SPATA17: variants seen among roughly 807,000 people sequenced by gnomAD.
SPATA17 encodes the protein spermatogenesis-associated protein 17.
Under a neutral mutation model 62.2 loss-of-function variants are expected in SPATA17, and 53 were observed. That is an observed-to-expected ratio of 0.85 (90% CI 0.68 to 1.07). SPATA17 has a LOEUF of 1.07. Among genes scored for constraint, SPATA17 ranks in the 50% least tolerant of loss-of-function variants. The pLI, the probability that SPATA17 is intolerant of heterozygous loss-of-function variation, is 0.00. For missense variants in SPATA17, 466 were observed against 425.5 expected (o/e 1.10, Z -0.84); for synonymous variants, 146 against 146.8 (o/e 0.99, Z 0.04).
intron 5 of SPATA17, among the ~76,000 whole-genome samples, chr1:217,735,525 C>G (rs931430505): frequency 6.6e-6 from 1 of 152,138 alleles, no homozygotes; most frequent in African/African-American, 2.4e-5. Context: ...GAATATTCAG[C>G]CTATAGCAGG....
At position 217,713,203 on chromosome 1, in the gene SPATA17, G is replaced by A. The variant is rs369697933; in HGVS notation, c.396-28772G>A. ...ATAATTAGCATAGATAATAATTCAG[G>A]TTAAGGTTAAGTTTTATTCCAGTGT... On this transcript the variant is annotated intron_variant, in intron 5 of 10. Coordinates refer to ENST00000366933, the MANE Select transcript of SPATA17 (RefSeq NM_138796.4). Among the ~76,000 whole-genome samples the A allele has an allele frequency of 7.9e-5, 12 of 152,154 alleles. No individual in the cohort carries two copies. The South Asian group carries it at 8.3e-4, about 11-fold the overall frequency.
chr1:217,649,058 C>T (rs1670250969), intron 2 of SPATA17, 87 bp downstream of exon 2: 1 of 877,074 alleles, frequency 1.1e-6, no homozygotes, highest in African/African-American at 1.7e-5. Context: ...GTACTCATTT[C>T]AAATAATTTT....
intron 9 of SPATA17, among the ~76,000 whole-genome samples, chr1:217,831,603 A>G (rs1177659974): frequency 6.6e-6 from 1 of 152,074 alleles, no homozygotes; most frequent in Non-Finnish European, 1.5e-5. Flanking sequence ...CCAAAAATAT[A>G]TTTTCTTATG....
chr1:217,736,971 GCTT>G (rs1286357492), intron 5 of SPATA17, among the ~76,000 whole-genome samples: 3 of 152,124 alleles, frequency 2.0e-5, no homozygotes, highest in Non-Finnish European at 4.4e-5. Context: ...AAACAGAGCA[GCTT>G]CTTCCATTTG....
intron 5 of SPATA17, among the ~76,000 whole-genome samples, chr1:217,721,160 C>G (rs1042547504): frequency 9.9e-5 from 15 of 152,180 alleles, no homozygotes; most frequent in Non-Finnish European, 1.8e-4. Context: ...CCTGCTGGCA[C>G]TGGCATGGGA....
rs530170554 is a variant in SPATA17, at chr1:217,645,169, C to G, written c.69-3713C>G. Reference sequence around the variant, plus strand: ...ACTAGTTAATTTTTAGTGCCTCCTTCCTTTTAATTGCAATGTATAATTCTT... The same window carrying G: ...ACTAGTTAATTTTTAGTGCCTCCTTGCTTTTAATTGCAATGTATAATTCTT... On this transcript the variant is annotated intron_variant, in intron 1 of 10. Coordinates refer to ENST00000366933, the MANE Select transcript of SPATA17 (RefSeq NM_138796.4). Among the ~76,000 whole-genome samples, 38 of 152,110 alleles carry G rather than the reference C, an allele frequency of 2.5e-4. 1 individual carries two copies. The highest frequency in any genetic ancestry group is 2.7e-4 in the Non-Finnish European group (18 of 67,920).
chr1:217,761,678 C>A (rs535933046), intron 6 of SPATA17, among the ~76,000 whole-genome samples: 3 of 151,828 alleles, frequency 2.0e-5, no homozygotes, highest in African/African-American at 7.2e-5. Flanking sequence ...AGCAGCAAGC[C>A]TAGAGAAATT....
intron 9 of SPATA17, among the ~76,000 whole-genome samples, chr1:217,843,184 T>C (rs1675448912): frequency 6.6e-6 from 1 of 152,166 alleles, no homozygotes; most frequent in Non-Finnish European, 1.5e-5. Flanking sequence ...AATACAGTTC[T>C]TGGGCACAGC....
intron 6 of SPATA17, among the ~76,000 whole-genome samples, chr1:217,744,071 C>T (rs1672688884): frequency 6.6e-6 from 1 of 152,022 alleles, no homozygotes; most frequent in South Asian, 2.1e-4. Context: ...GAGTGCTTAC[C>T]ATGTGCCAAA....
chr1:217,662,726 C>T (rs1481718467), intron 3 of SPATA17, among the ~76,000 whole-genome samples: 3 of 152,076 alleles, frequency 2.0e-5, no homozygotes, highest in African/African-American at 7.2e-5. Flanking sequence ...AAATACCAGT[C>T]ACTAGTTTTA....
chr1:217,651,208 T>C lies in SPATA17; in HGVS notation c.240+30T>C, dbSNP rs761226855. ...ATATAAAATGTACATATGTTAGCAT[T>C]TGAATTGTACAATATGCTGTAACTT... On this transcript the variant is annotated intron_variant, in intron 3 of 10. Transcript: ENST00000366933. The C allele has an allele frequency of 1.3e-5, 19 of 1,510,138 alleles. 1 individual carries two copies. In the South Asian group the frequency reaches 1.7e-4, roughly 13 times the overall value. The allele number at this position is 1,510,138 out of a possible 1,614,324, so 93.5% of individuals were successfully genotyped here.
chr1:217,711,547 A>G (rs1327765831), intron 5 of SPATA17, among the ~76,000 whole-genome samples: 2 of 152,178 alleles, frequency 1.3e-5, no homozygotes, highest in African/African-American at 4.8e-5. Context: ...TCTTAACAGA[A>G]ATCAGATTTC....
Position 217,690,489 on chromosome 1 carries a change from A to G in SPATA17, c.395+7128A>G, listed in dbSNP as rs550426714. Among the ~76,000 whole-genome samples the G allele has an allele frequency of 8.7e-3, 1,090 of 124,602 alleles. 6 individuals carry two copies. Among genetic ancestry groups the G allele is most frequent in the Non-Finnish European group, 0.013 (755 of 58,046 alleles). The allele number at this position is 124,602 out of a possible 152,430, so 81.7% of individuals were successfully genotyped here. On this transcript the variant is annotated intron_variant, in intron 5 of 10. Coordinates refer to ENST00000366933, the MANE Select transcript of SPATA17 (RefSeq NM_138796.4). ...TTATTTTTTATTTTTTTTTTTTTTA[A>G]TTATTTTTTTTTATTATACTTTAAG...
At chr1:217,822,771 G>A (rs1674898839) in intron 9 of SPATA17, among the ~76,000 whole-genome samples, 1 of 137,294 alleles carries the variant, frequency 7.3e-6, no homozygotes. Flanking sequence ...TTAATGTATG[G>A]GTTTCTGTTT....
intron 6 of SPATA17, among the ~76,000 whole-genome samples, chr1:217,762,187 C>G (rs910105470): frequency 2.0e-5 from 3 of 152,178 alleles, no homozygotes; most frequent in Non-Finnish European, 2.9e-5. Flanking sequence ...CACTCTCCCT[C>G]AGTAACCCCA....
At chr1:217,740,228 ATTT>A (rs1340747368) in intron 5 of SPATA17, among the ~76,000 whole-genome samples, 1 of 151,280 alleles carries the variant, frequency 6.6e-6, no homozygotes, top group Non-Finnish European at 1.5e-5. Context: ...TTCTTTATAG[ATTT>A]TTTATTTTTA....
intron 5 of SPATA17, among the ~76,000 whole-genome samples, chr1:217,696,257 C>T (rs1432306156): frequency 6.6e-6 from 1 of 152,142 alleles, no homozygotes; most frequent in African/African-American, 2.4e-5. Context: ...CCCGATTTTC[C>T]AGGTGCGTCC....
chr1:217,639,603 G>A (rs911429393), intron 1 of SPATA17, among the ~76,000 whole-genome samples: 1 of 152,082 alleles, frequency 6.6e-6, no homozygotes, highest in African/African-American at 2.4e-5. Context: ...ATTTAATTAA[G>A]ACAAATTAAT....
At chr1:217,759,674 A>G (rs4564209) in intron 6 of SPATA17, among the ~76,000 whole-genome samples, 73,959 of 152,068 alleles carry the variant, frequency 0.49, 19,239 homozygotes, top group Non-Finnish European at 0.59. Flanking sequence ...AGATTGTTTC[A>G]TATAGACGGA....
Sources: allele counts gnomAD v4.1 joint callset (sites outside exome capture counted in the v4.1 genomes callset), GRCh38; gene constraint gnomAD v4.1.1; transcripts MANE v1.5; gene names NCBI Gene and HGNC (gene_info 2026-07-23, HGNC 2026-07-21).